The following MAP3K7 variants were observed in gnomAD, a reference collection of about 807,000 sequenced individuals.
MAP3K7 encodes TGF-beta activated kinase 1.
Under a neutral mutation model 84.8 loss-of-function variants are expected in MAP3K7, and 21 were observed. That is an observed-to-expected ratio of 0.25 (90% CI 0.18 to 0.36). The LOEUF (loss-of-function observed/expected upper bound fraction) is 0.36. MAP3K7 is among the 10% of genes least tolerant of loss of function. The pLI is 1.00. For synonymous variants in MAP3K7, 241 were observed against 247.7 expected, an observed-to-expected ratio of 0.97 and a Z score of 0.25; for missense variants, 503 against 747.7, an observed-to-expected ratio of 0.67 and a Z score of 3.82.
intron 6 of MAP3K7, among the ~76,000 whole-genome samples, chr6:90,555,463 T>A (rs1192632687): frequency 6.6e-6 from 1 of 152,078 alleles, no homozygotes; most frequent in East Asian, 1.9e-4. Flanking sequence ...CACCGTGTTA[T>A]ACAGGATGGT....
intron 13 of MAP3K7, among the ~76,000 whole-genome samples, chr6:90,530,166 T>C (rs1025332794): frequency 8.5e-5 from 13 of 152,210 alleles, no homozygotes; most frequent in African/African-American, 3.1e-4. Context: ...GCATTTTTCC[T>C]TCAAAGTGGT....
chr6:90,518,488 A>G lies in MAP3K7; in HGVS notation c.1599T>C (p.Tyr533=), dbSNP rs753346428. 6.8e-6 allele frequency: 11 copies of G among 1,607,648 alleles called. No homozygotes were observed. The highest frequency in any genetic ancestry group is 3.3e-5 in the South Asian group (3 of 90,210). ...FEQHCKMAQE[Y]MKVQTEIALL... Reference sequence around the variant, plus strand: ...ATGCAATTTCTGTTTGAACTTTCATATATTCTTGTGCCATTTTACAATGCT... The same window carrying G: ...ATGCAATTTCTGTTTGAACTTTCATGTATTCTTGTGCCATTTTACAATGCT... Residue 533 remains tyrosine (Y), a synonymous_variant, in exon 16 of 17, where the codon TAT becomes TAC. Transcript: ENST00000369329.
chr6:90,586,693 A>G (rs1777471179), intron 1 of MAP3K7, 71 bp downstream of exon 1: 1 of 1,528,654 alleles, frequency 6.5e-7, no homozygotes, highest in Non-Finnish European at 8.8e-7. Context: ...AGGCACCTTC[A>G]GAGCCGGCAC....
At chr6:90,558,639 G>T (rs1776411606) in intron 5 of MAP3K7, among the ~76,000 whole-genome samples, 1 of 152,170 alleles carries the variant, frequency 6.6e-6, no homozygotes, top group Admixed American at 6.5e-5. Context: ...GATATATCTG[G>T]TCTAACTAGG....
At chr6:90,578,643 A>G (rs1777165672) in intron 1 of MAP3K7, among the ~76,000 whole-genome samples, 1 of 152,344 alleles carries the variant, frequency 6.6e-6, no homozygotes, top group South Asian at 2.1e-4. Flanking sequence ...AGAAGATAGA[A>G]TAATCAGATG....
At chr6:90,569,153 G>A (rs1446910988) in intron 2 of MAP3K7, among the ~76,000 whole-genome samples, 1 of 152,164 alleles carries the variant, frequency 6.6e-6, no homozygotes, top group East Asian at 1.9e-4. Flanking sequence ...TTAAAGATGA[G>A]ATTTTAACCT....
intron 3 of MAP3K7, 74 bp downstream of exon 3, chr6:90,568,484 T>C: frequency 7.8e-7 from 1 of 1,276,532 alleles, no homozygotes; most frequent in South Asian, 1.4e-5. Flanking sequence ...AACCCAAAAA[T>C]AGCTACATAA....
chr6:90,535,116 A>G (rs1562085135), intron 13 of MAP3K7, among the ~76,000 whole-genome samples: 3 of 151,914 alleles, frequency 2.0e-5, no homozygotes, highest in Non-Finnish European at 4.4e-5. Context: ...TTATTTATAT[A>G]TGTGTTTATA....
At position 90,550,504 on chromosome 6, in the gene MAP3K7, A is replaced by G; in HGVS notation, c.913T>C (p.Ser305Pro). The change falls in exon 9 of 17, where the codon TCA becomes CCA. Residue 305 changes from serine (S) to proline (P), a missense_variant. This residue lies in a region of MAP3K7 where 286 missense variants were observed against 313.6 expected (regional missense o/e 0.91). Coordinates refer to ENST00000369329, the MANE Select transcript of MAP3K7 (RefSeq NM_145331.3). ...DEPLQYPCQYSDEGQSNSATS... is the reference protein window; with the variant it reads ...DEPLQYPCQYPDEGQSNSATS... ...GCAGAGTTGCTCTGTCCTTCATCTGAATACTGACAAGGATACTGTAATGGC... is the reference window on the plus strand; with the variant it reads ...GCAGAGTTGCTCTGTCCTTCATCTGGATACTGACAAGGATACTGTAATGGC... The G allele has an allele frequency of 6.2e-7, 1 of 1,611,964 alleles. No homozygotes were observed. Among genetic ancestry groups the G allele is most frequent in the Non-Finnish European group, 8.5e-7 (1 of 1,178,564 alleles).
At chr6:90,561,304 G>A (rs1415423288) in intron 4 of MAP3K7, among the ~76,000 whole-genome samples, 1 of 151,274 alleles carries the variant, frequency 6.6e-6, no homozygotes, top group African/African-American at 2.4e-5. Flanking sequence ...AAATGAGGAG[G>A]CTCAAAGTTA....
rs546884903 is a variant in MAP3K7, at chr6:90,554,699, A to G, written c.608-1113T>C. 2.6e-5 allele frequency among the ~76,000 whole-genome samples: 4 copies of G among 152,344 alleles called. No homozygotes were observed. The South Asian group carries it at 8.3e-4, about 32-fold the overall frequency. ...TAGAGCAATAAAATTAATCTTTTGTATAAACAAATCTTTTTGCTCTCCACA... is the reference window on the plus strand; with the variant it reads ...TAGAGCAATAAAATTAATCTTTTGTGTAAACAAATCTTTTTGCTCTCCACA... On this transcript the variant is annotated intron_variant, in intron 6 of 16. Coordinates refer to ENST00000369329, the MANE Select transcript of MAP3K7 (RefSeq NM_145331.3).
In MAP3K7 at chr6:90,528,011, TG is replaced by T. The variant is rs1378308014; in HGVS notation, c.1357-4229del. Among the ~76,000 whole-genome samples the T allele has an allele frequency of 3.5e-5, 2 of 57,586 alleles. 1 individual carries two copies. Among genetic ancestry groups the T allele is most frequent in the East Asian group, 6.0e-4 (2 of 3,318 alleles). 37.8% of individuals were successfully genotyped at this position (57,586 alleles called of 152,430 possible). A position where few individuals can be genotyped will look rare whatever the true frequency, so the allele number is the denominator to read the frequency against. On this transcript the variant is annotated intron_variant, in intron 13 of 16. Transcript: ENST00000369329. ...CTCCTGCCTCAGCCTCCCGAGTAGCTGGGACTACAGGCGCCCGCTACCACGC... is the reference window on the plus strand; with the variant it reads ...CTCCTGCCTCAGCCTCCCGAGTAGCTGGACTACAGGCGCCCGCTACCACGC...
intron 3 of MAP3K7, among the ~76,000 whole-genome samples, chr6:90,566,209 G>C (rs1445056764): frequency 6.6e-6 from 1 of 152,122 alleles, no homozygotes; most frequent in East Asian, 1.9e-4. Flanking sequence ...GGAAGTTCTG[G>C]CCAGGGCAAT....
chr6:90,520,858 A>T (rs921132132), intron 14 of MAP3K7, among the ~76,000 whole-genome samples: 2 of 152,114 alleles, frequency 1.3e-5, no homozygotes, highest in African/African-American at 4.8e-5. Flanking sequence ...CTGATTAAAA[A>T]TGACTGATTT....
chr6:90,523,642 T>C (rs373360332), intron 14 of MAP3K7, 36 bp downstream of exon 14: 46 of 1,363,948 alleles, frequency 3.4e-5, no homozygotes, highest in Non-Finnish European at 4.4e-5. Flanking sequence ...ACATGACTGA[T>C]TCAACTTCAT....
chr6:90,568,019 C>T (rs892867463), intron 3 of MAP3K7, among the ~76,000 whole-genome samples: 1 of 152,090 alleles, frequency 6.6e-6, no homozygotes, highest in Non-Finnish European at 1.5e-5. Context: ...ACAATGAGAA[C>T]ACTTGGACAC....
At chr6:90,586,245 G>C (rs12209549) in intron 1 of MAP3K7, among the ~76,000 whole-genome samples, 32,379 of 151,066 alleles carry the variant, frequency 0.21, 4,027 homozygotes, top group Non-Finnish European at 0.29. Context: ...GGTGGCGGGC[G>C]CCTGTAGTCC....
chr6:90,559,562 A>G (rs952943699), intron 5 of MAP3K7, among the ~76,000 whole-genome samples: 1 of 152,242 alleles, frequency 6.6e-6, no homozygotes, highest in Non-Finnish European at 1.5e-5. Flanking sequence ...TAAGGAATTT[A>G]TAAGTTTTTT....
chr6:90,532,352 G>A (rs1380455046), intron 13 of MAP3K7, among the ~76,000 whole-genome samples: 1 of 152,128 alleles, frequency 6.6e-6, no homozygotes, highest in African/African-American at 2.4e-5. Flanking sequence ...ACTGTGGAGA[G>A]GCTGGCATAC....
Sources: gnomAD v4.1 joint callset for allele counts (sites outside exome capture counted in the v4.1 genomes callset) on GRCh38, gnomAD v4.1.1 for gene constraint, gnomAD v4.1.1 regional missense constraint, MANE v1.5 for transcripts, NCBI Gene and HGNC (gene_info 2026-07-23, HGNC 2026-07-21) for gene names.